The following VPS13D variants were observed in gnomAD, a reference collection of about 807,000 sequenced individuals.
The protein encoded by VPS13D is intermembrane lipid transfer protein VPS13D.
Under a neutral mutation model 461.9 loss-of-function variants are expected in VPS13D, and 187 were observed. The observed-to-expected ratio is 0.40, with a 90% CI of 0.36 to 0.46. The LOEUF (loss-of-function observed/expected upper bound fraction) is 0.46, where lower values mean the gene tolerates loss of function less well. Among genes scored for constraint, VPS13D ranks in the 20% least tolerant of loss-of-function variants. The pLI is 0.60. For synonymous variants in VPS13D, 1,951 were observed against 1,986.3 expected (o/e 0.98, Z 0.47); for missense variants, 4,711 against 5,364.9 (o/e 0.88, Z 3.81).
In VPS13D at chr1:12,495,445, A is replaced by G. The variant is rs547021600; in HGVS notation, c.12663-2055A>G. 3.1e-4 allele frequency among the ~76,000 whole-genome samples: 47 copies of G among 152,326 alleles called. No homozygotes were observed. Among genetic ancestry groups the G allele is most frequent in the African/African-American group, 1.1e-3 (45 of 41,582 alleles). The stretch of plus-strand genomic sequence containing the variant: ...AGTGCTGGGATTACAGGCGTGAGCC[A>G]CTGCGCCCGGCCGATGTAACATCTT... On this transcript the variant is annotated intron_variant, in intron 67 of 69. Transcript: ENST00000620676. This position sits in a 1 kb window ranked among gnomAD's most constrained non-coding sequence, Gnocchi z 4.0.
intron 30 of VPS13D, among the ~76,000 whole-genome samples, chr1:12,314,999 G>A (rs1642851617): frequency 6.6e-6 from 1 of 152,130 alleles, no homozygotes; most frequent in African/African-American, 2.4e-5. Context: ...AAGTAATTCT[G>A]GCATATTGCT....
chr1:12,473,633 G>C lies in VPS13D; in HGVS notation c.12662+13237G>C, dbSNP rs948613576. Reference sequence around the variant, plus strand: ...AGCCTGGCATGTGGCATGCAGGTAGGGCTCAAGAAATGGTGTCAGTGTGAA... The same window carrying C: ...AGCCTGGCATGTGGCATGCAGGTAGCGCTCAAGAAATGGTGTCAGTGTGAA... On this transcript the variant is annotated intron_variant, in intron 67 of 69. Coordinates refer to ENST00000620676, the MANE Select transcript of VPS13D (RefSeq NM_015378.4). This position sits in a 1 kb window ranked among gnomAD's most constrained non-coding sequence, Gnocchi z 4.2. 6.6e-6 allele frequency among the ~76,000 whole-genome samples: 1 copy of C among 152,156 alleles called. No individual in the cohort carries two copies. Among genetic ancestry groups the C allele is most frequent in the Non-Finnish European group, 1.5e-5 (1 of 68,026 alleles).
chr1:12,306,872 G>T (rs1177978931), intron 26 of VPS13D, among the ~76,000 whole-genome samples: 1 of 152,098 alleles, frequency 6.6e-6, no homozygotes. Context: ...TCCCAATAGG[G>T]TTTGCACCCC....
chr1:12,400,723 C>T (rs544459576), intron 61 of VPS13D, among the ~76,000 whole-genome samples: 3 of 152,178 alleles, frequency 2.0e-5, no homozygotes, highest in East Asian at 1.9e-4. Flanking sequence ...GAGGCTAAGG[C>T]GGGTGGATCT....
chr1:12,261,908 G>T lies in VPS13D; in HGVS notation c.1422G>T (p.Glu474Asp). The T allele has an allele frequency of 6.2e-7, 1 of 1,608,306 alleles. No homozygotes were observed. The highest frequency in any genetic ancestry group is 8.5e-7 in the Non-Finnish European group (1 of 1,176,266). ...TTCTCCCTTACCATTTAGGCACTGAGGAGTTTTTTGACCCCACTGCAGATG... is the reference window on the plus strand; with the variant it reads ...TTCTCCCTTACCATTTAGGCACTGATGAGTTTTTTGACCCCACTGCAGATG... ...QWIPEEILGT[E>D]EFFDPTADAS... Residue 474 changes from glutamate to aspartate, a missense_variant, in exon 13 of 70, where the codon GAG (glutamate) becomes GAT (aspartate). Physicochemically the swap from Glu to Asp is conservative, Grantham distance 45 (BLOSUM62 2). Coordinates refer to ENST00000620676, the MANE Select transcript of VPS13D (RefSeq NM_015378.4).
chr1:12,507,668 T>C lies in VPS13D; in HGVS notation c.13035+575T>C, dbSNP rs1646130061. 6.6e-6 allele frequency among the ~76,000 whole-genome samples: 1 copy of C among 152,240 alleles called. No individual in the cohort carries two copies. The highest frequency in any genetic ancestry group is 2.1e-4 in the South Asian group (1 of 4,832). Reference sequence around the variant, plus strand: ...TAACGTTCCTAGAGGGCTGGCTGTCTTGTGGGTTGTCTGATCACTGTGTTG... The same window carrying C: ...TAACGTTCCTAGAGGGCTGGCTGTCCTGTGGGTTGTCTGATCACTGTGTTG... On this transcript the variant is annotated intron_variant, in intron 69 of 69. Transcript: ENST00000620676. The surrounding 1 kb of genome is among the most constrained non-coding windows in gnomAD (Gnocchi z 5.3).
chr1:12,334,076 T>C (rs1358350351), intron 38 of VPS13D, among the ~76,000 whole-genome samples: 1 of 152,238 alleles, frequency 6.6e-6, no homozygotes, highest in Non-Finnish European at 1.5e-5. Flanking sequence ...CTATTGCAAA[T>C]TGTGAACTTC....
chr1:12,276,531 T>C lies in VPS13D; in HGVS notation c.2943T>C (p.Phe981=). 6.2e-7 allele frequency: 1 copy of C among 1,614,200 alleles called. No homozygotes were observed. ...NGRYISVLKV[F]GTNAHFVKRP... is the part of the protein sequence containing the mutation. ...GGTACATTTCTGTGCTCAAGGTGTT[T>C]GGTACCAATGCTCACTTTGTGAAGA... Residue 981 remains phenylalanine, a synonymous_variant, in exon 19 of 70, where the codon TTT becomes TTC. Transcript: ENST00000620676. The surrounding 1 kb of genome is among the most constrained non-coding windows in gnomAD (Gnocchi z 4.5).
At chr1:12,368,720 T>C in intron 53 of VPS13D, 129 bp downstream of exon 53, 1 of 1,141,924 alleles carries the variant, frequency 8.8e-7, no homozygotes, top group Non-Finnish European at 1.2e-6. Flanking sequence ...GATAGGTTCT[T>C]TATATCTGGA....
At chr1:12,422,528 A>G (rs1644876684) in intron 65 of VPS13D, among the ~76,000 whole-genome samples, 1 of 152,186 alleles carries the variant, frequency 6.6e-6, no homozygotes, top group African/African-American at 2.4e-5. Context: ...GTCTTAAATC[A>G]GTTTTGTTTT....
rs1642511808 is a variant in VPS13D at position 12,304,615 on chromosome 1, C to T, written c.6326C>T (p.Pro2109Leu). 1 of 1,614,108 alleles carries T rather than the reference C, an allele frequency of 6.2e-7. No individual in the cohort carries two copies. Among genetic ancestry groups the T allele is most frequent in the Admixed American group, 1.7e-5 (1 of 60,012 alleles). Reference protein sequence around the residue: ...GTHSQGQFTMPLAGMSLGSLK... With the variant: ...GTHSQGQFTMLLAGMSLGSLK... The stretch of plus-strand genomic sequence containing the variant: ...CATTCCCAGGGGCAGTTCACGATGC[C>T]TCTTGCTGGAATGAGCCTAGGAAGC... Residue 2109 changes from proline to leucine, a missense_variant, in exon 26 of 70, where the codon CCT becomes CTT. Physicochemically the swap from Pro to Leu is moderately conservative, Grantham distance 98 (BLOSUM62 -3). Transcript: ENST00000620676.
chr1:12,400,493 C>T (rs1210225369), intron 61 of VPS13D, among the ~76,000 whole-genome samples, 163 bp downstream of exon 61: 1 of 152,180 alleles, frequency 6.6e-6, no homozygotes, highest in Non-Finnish European at 1.5e-5. Context: ...TTGACAGGAA[C>T]TCCTCCTTCT....
chr1:12,295,731 T>G (rs1462565045), intron 24 of VPS13D, among the ~76,000 whole-genome samples: 2 of 152,196 alleles, frequency 1.3e-5, no homozygotes, highest in African/African-American at 4.8e-5. Context: ...AGTATCATAA[T>G]AAGATGAACA....
intron 22 of VPS13D, among the ~76,000 whole-genome samples, chr1:12,289,765 A>G (rs926166366): frequency 1.3e-5 from 2 of 151,994 alleles, no homozygotes; most frequent in African/African-American, 4.8e-5. Context: ...GTGAGACCTC[A>G]TCTCTACAAA....
intron 40 of VPS13D, among the ~76,000 whole-genome samples, chr1:12,340,514 G>A (rs149484784): frequency 8.5e-5 from 13 of 152,310 alleles, no homozygotes; most frequent in African/African-American, 2.2e-4. Flanking sequence ...GACAATTACC[G>A]ACTGTTATGA....
chr1:12,285,292 A>T (rs200068472), intron 21 of VPS13D, among the ~76,000 whole-genome samples: 1,892 of 141,678 alleles, frequency 0.013, 27 homozygotes, highest in East Asian at 0.019. Context: ...TTATTTATTT[A>T]TTTATTTTTT....
At chr1:12,469,051 A>T (rs1228918650) in intron 67 of VPS13D, among the ~76,000 whole-genome samples, 1 of 151,762 alleles carries the variant, frequency 6.6e-6, no homozygotes, top group Non-Finnish European at 1.5e-5. Flanking sequence ...AAAAAAAAAA[A>T]CAAAAAACTT....
intron 65 of VPS13D, among the ~76,000 whole-genome samples, chr1:12,440,959 C>G (rs184821999): frequency 1.3e-5 from 2 of 151,780 alleles, no homozygotes; most frequent in East Asian, 2.0e-4. Context: ...GAGTTTCACT[C>G]TTGTCACCCA....
chr1:12,426,312 T>C (rs531085305), intron 65 of VPS13D, among the ~76,000 whole-genome samples: 1 of 152,342 alleles, frequency 6.6e-6, no homozygotes, highest in South Asian at 2.1e-4. Flanking sequence ...GAGCTGACAG[T>C]GAGCTTCAGA....
Sources: gnomAD v4.1 joint callset for allele counts (sites outside exome capture counted in the v4.1 genomes callset) on GRCh38, gnomAD v4.1.1 for gene constraint, Gnocchi (gnomAD v3.1) non-coding constraint, MANE v1.5 for transcripts, NCBI Gene and HGNC (gene_info 2026-07-23, HGNC 2026-07-21) for gene names.